The following SCAF11 variants were observed in gnomAD, a reference collection of about 807,000 sequenced individuals.
SCAF11 encodes protein SCAF11.
In SCAF11, 47 loss-of-function variants were observed where a neutral mutation model predicts 140.5. The ratio of observed to expected loss-of-function variants is 0.33; its 90% CI spans 0.26 to 0.43. SCAF11 has a LOEUF of 0.43. Ranked by LOEUF, SCAF11 falls within the 20% of genes least tolerant of loss-of-function variation. The pLI, the probability that SCAF11 is intolerant of heterozygous loss-of-function variation, is 1.00. For missense variants in SCAF11, 1,645 were observed against 1,705.1 expected (o/e 0.96, Z 0.62); for synonymous variants, 557 against 579.4 (o/e 0.96, Z 0.55).
intron 4 of SCAF11, among the ~76,000 whole-genome samples, chr12:45,951,357 T>C (rs1252414794): frequency 2.6e-5 from 4 of 152,192 alleles, no homozygotes; most frequent in Non-Finnish European, 5.9e-5. Flanking sequence ...TTAAGTATTT[T>C]ATAATTAAGC....
At chr12:45,932,592 C>T (rs1945073911) in intron 9 of SCAF11, among the ~76,000 whole-genome samples, 1 of 151,940 alleles carries the variant, frequency 6.6e-6, no homozygotes, top group Admixed American at 6.6e-5. Context: ...ACTCAGGCAG[C>T]GACCCTAATC....
At position 45,934,233 on chromosome 12, in the gene SCAF11, T is replaced by A; in HGVS notation, c.575A>T (p.Asn192Ile). The A allele has an allele frequency of 6.2e-7, 1 of 1,612,038 alleles. No homozygotes were observed. The highest frequency in any genetic ancestry group is 1.1e-5 in the South Asian group (1 of 90,766). ...TNQCFRNFFS[N>I]MFSSVSHSGE... ...AGAGTGGCTAACAGAAGAAAACATA[T>A]TGGAGAAAAAATTTCTGAAGCACTG... Residue 192 changes from asparagine to isoleucine, a missense_variant, in exon 8 of 15, where the codon AAT becomes ATT. Around this residue, in one of 2 missense-constraint regions of SCAF11, gnomAD observed 1,582 missense variants for 1,609.2 expected, o/e 0.98. Transcript: ENST00000369367.
At position 45,928,145 on chromosome 12, in the gene SCAF11, C is replaced by A. The variant is rs1944942373; in HGVS notation, c.1556G>T (p.Gly519Val). Residue 519 changes from glycine to valine, a missense_variant, in exon 11 of 15, where the codon GGA (glycine) becomes GTA (valine). This residue lies in a region of SCAF11 where 1,582 missense variants were observed against 1,609.2 expected (regional missense o/e 0.98). Transcript: ENST00000369367. ...SEISENILEK[G>V]GDPLEKQDQI... ...GTCTTGCTTTTCCAATGGATCACCT[C>A]CTTTTTCAAGAATATTTTCAGAAAT... is the stretch of plus-strand genomic sequence containing the variant. 6.2e-7 allele frequency: 1 copy of A among 1,613,862 alleles called. No individual in the cohort carries two copies. Among genetic ancestry groups the A allele is most frequent in the Admixed American group, 1.7e-5 (1 of 59,994 alleles).
chr12:45,981,924 A>G (rs117462487), intron 1 of SCAF11, among the ~76,000 whole-genome samples: 1,729 of 152,346 alleles, frequency 0.011, 13 homozygotes, highest in Non-Finnish European at 0.015. Flanking sequence ...AGACTGAATT[A>G]TATGCCTGTC....
chr12:45,948,181 C>A (rs1232717238), intron 5 of SCAF11, among the ~76,000 whole-genome samples: 1 of 152,140 alleles, frequency 6.6e-6, no homozygotes, highest in Non-Finnish European at 1.5e-5. Context: ...GATCCTCTCA[C>A]CTTAGCCTCC....
At position 45,922,133 on chromosome 12, in the gene SCAF11, T is replaced by C; in HGVS notation, c.4307A>G (p.Tyr1436Cys). ...STKVANLVKAYVDKYKYSRKG... is the reference protein window; with the variant it reads ...STKVANLVKACVDKYKYSRKG... Reference sequence around the variant, plus strand: ...CCGTGAATATTTGTATTTGTCTACATAGGCTTTAACCAGATTTGCCACTTT... The same window carrying C: ...CCGTGAATATTTGTATTTGTCTACACAGGCTTTAACCAGATTTGCCACTTT... Residue 1436 changes from tyrosine (Y) to cysteine (C), a missense_variant, in exon 15 of 15, where the codon TAT becomes TGT. Physicochemically the swap from Tyr to Cys is radical, Grantham distance 194. Around this residue, in one of 2 missense-constraint regions of SCAF11, gnomAD observed 63 missense variants for 95.9 expected, o/e 0.66. Coordinates refer to ENST00000369367, the MANE Select transcript of SCAF11 (RefSeq NM_004719.3). 1.2e-6 allele frequency: 2 copies of C among 1,613,932 alleles called. No homozygotes were observed. Among genetic ancestry groups the C allele is most frequent in the Non-Finnish European group, 8.5e-7 (1 of 1,179,934 alleles).
chr12:45,986,098 A>C (rs1282403627), intron 1 of SCAF11, among the ~76,000 whole-genome samples: 1 of 152,044 alleles, frequency 6.6e-6, no homozygotes, highest in Middle Eastern at 3.2e-3. Context: ...TTTTTCCCCC[A>C]AGTTATATTC....
chr12:45,922,974 C>T lies in SCAF11; in HGVS notation c.4087G>A (p.Ala1363Thr). The change falls in exon 13 of 15, where the codon GCA becomes ACA. Residue 1363 changes from alanine to threonine, a missense_variant. By Grantham distance (58) the Ala-to-Thr change is moderately conservative. This residue lies in a region of SCAF11 where 1,582 missense variants were observed against 1,609.2 expected (regional missense o/e 0.98). Coordinates refer to ENST00000369367, the MANE Select transcript of SCAF11 (RefSeq NM_004719.3). Reference sequence around the variant, plus strand: ...GAGCTATCTGCGCTGGCTTCCACTGCAACACTTACTTTGCTTTCTGCCAAT... The same window carrying T: ...GAGCTATCTGCGCTGGCTTCCACTGTAACACTTACTTTGCTTTCTGCCAAT... ...VKLAESKVSV[A>T]VEASADSSKT... The T allele has an allele frequency of 6.2e-7, 1 of 1,614,184 alleles. No individual in the cohort carries two copies. Among genetic ancestry groups the T allele is most frequent in the Non-Finnish European group, 8.5e-7 (1 of 1,180,018 alleles).
Position 45,967,199 on chromosome 12 carries a change from G to A in SCAF11, c.-21-3011C>T, listed in dbSNP as rs564069133. On this transcript the variant is annotated intron_variant, in intron 1 of 14. Transcript: ENST00000369367. ...GCCCAAGAAGTTCAAGACCAGCCTG[G>A]GCAACACAGCAAGACCCTGTTAAAA... Among the ~76,000 whole-genome samples, 18 of 151,938 alleles carry A rather than the reference G, an allele frequency of 1.2e-4. 1 individual carries two copies. Among genetic ancestry groups the A allele is most frequent in the African/African-American group, 4.3e-4 (18 of 41,440 alleles).
At position 45,922,556 on chromosome 12, in the gene SCAF11, T is replaced by C; in HGVS notation, c.4152A>G (p.Ala1384=). The change falls in exon 14 of 15, where the codon GCA becomes GCG. Residue 1384 remains alanine (A), a synonymous_variant. Coordinates refer to ENST00000369367, the MANE Select transcript of SCAF11 (RefSeq NM_004719.3). Reference sequence around the variant, plus strand: ...GCTTGATGGCCAATTTTACCTCTTGTGCTGCTTTTTCTTGAATTTGCAATT... The same window carrying C: ...GCTTGATGGCCAATTTTACCTCTTGCGCTGCTTTTTCTTGAATTTGCAATT... ...DKKLQIQEKA[A]QEVKLAIKPF... The C allele has an allele frequency of 1.3e-6, 2 of 1,595,758 alleles. No individual in the cohort carries two copies. The highest frequency in any genetic ancestry group is 1.7e-6 in the Non-Finnish European group (2 of 1,176,308).
At chr12:45,925,179 G>A (rs1344671027) in intron 11 of SCAF11, 105 bp from the exon 12 acceptor site, 6 of 769,418 alleles carry the variant, frequency 7.8e-6, no homozygotes, top group Non-Finnish European at 1.2e-5. Flanking sequence ...CAATTAATAG[G>A]CTCAGTATAC....
chr12:45,969,726 T>TA (rs1460692883), intron 1 of SCAF11, among the ~76,000 whole-genome samples: 3 of 152,196 alleles, frequency 2.0e-5, no homozygotes, highest in Non-Finnish European at 4.4e-5. Flanking sequence ...AGTCTCCTAT[T>TA]AGAGTGTGAG....
At position 45,987,142 on chromosome 12, in the gene SCAF11, C is replaced by CT. The variant is rs1268619494; in HGVS notation, c.-22+3210dup. Reference sequence around the variant, plus strand: ...TTGGGAGGCCAAGGCGGGATGATTACTTAGCCCAGGAATTTGAGACCAGCC... The same window carrying CT: ...TTGGGAGGCCAAGGCGGGATGATTACTTTAGCCCAGGAATTTGAGACCAGCC... On this transcript the variant is annotated intron_variant, in intron 1 of 14. Coordinates refer to ENST00000369367, the MANE Select transcript of SCAF11 (RefSeq NM_004719.3). Among the ~76,000 whole-genome samples the CT allele has an allele frequency of 2.6e-5, 4 of 152,282 alleles. No homozygotes were observed. In the East Asian group the frequency reaches 7.7e-4, roughly 29 times the overall value.
intron 14 of SCAF11, 31 bp from the exon 15 acceptor site, chr12:45,922,225 T>C (rs747479909): frequency 6.3e-7 from 1 of 1,580,408 alleles, no homozygotes; most frequent in East Asian, 2.2e-5. Context: ...GGTAAACTTT[T>C]TTCATGCTTA....
chr12:45,922,798 G>C, intron 13 of SCAF11, 138 bp downstream of exon 13: 1 of 870,244 alleles, frequency 1.1e-6, no homozygotes, highest in Admixed American at 2.4e-5. Flanking sequence ...AACACATCTA[G>C]AGAGAATCCT....
At chr12:45,963,398 G>C (rs1396966726) in intron 2 of SCAF11, among the ~76,000 whole-genome samples, 2 of 151,884 alleles carry the variant, frequency 1.3e-5, no homozygotes, top group East Asian at 3.9e-4. Flanking sequence ...AATTAGACTG[G>C]GAAGAAATCT....
intron 5 of SCAF11, among the ~76,000 whole-genome samples, chr12:45,945,982 C>A (rs144691936): frequency 4.1e-4 from 63 of 152,230 alleles, no homozygotes; most frequent in African/African-American, 1.5e-3. Context: ...TGAGCCACCA[C>A]GTCTGGCTTC....
At position 45,927,917 on chromosome 12, in the gene SCAF11, T is replaced by C. The variant is rs1288784916; in HGVS notation, c.1784A>G (p.His595Arg). ...TESSLVEITE[H>R]KDFTLKTEEL... Reference sequence around the variant, plus strand: ...CTCTGTTTTTAGTGTAAAATCTTTATGTTCAGTAATTTCTACTAGGGAACT... The same window carrying C: ...CTCTGTTTTTAGTGTAAAATCTTTACGTTCAGTAATTTCTACTAGGGAACT... Residue 595 changes from histidine to arginine, a missense_variant, in exon 11 of 15, where the codon CAT becomes CGT. His to Arg is a conservative substitution (Grantham distance 29). Around this residue, in one of 2 missense-constraint regions of SCAF11, gnomAD observed 1,582 missense variants for 1,609.2 expected, o/e 0.98. Transcript: ENST00000369367. The C allele has an allele frequency of 6.2e-7, 1 of 1,612,666 alleles. No individual in the cohort carries two copies. Among genetic ancestry groups the C allele is most frequent in the Non-Finnish European group, 8.5e-7 (1 of 1,179,662 alleles).
At position 45,928,213 on chromosome 12, in the gene SCAF11, C is replaced by A; in HGVS notation, c.1488G>T (p.Glu496Asp). The A allele has an allele frequency of 6.2e-7, 1 of 1,613,998 alleles. No individual in the cohort carries two copies. Among genetic ancestry groups the A allele is most frequent in the Non-Finnish European group, 8.5e-7 (1 of 1,180,014 alleles). Residue 496 changes from glutamate to aspartate, a missense_variant, in exon 11 of 15, where the codon GAG becomes GAT. Transcript: ENST00000369367. Reference protein sequence around the residue: ...VGEEGEVKKLENTGIEANVLC... With the variant: ...VGEEGEVKKLDNTGIEANVLC... Reference sequence around the variant, plus strand: ...AAACATTAGCCTCTATACCTGTATTCTCGAGTTTTTTAACTTCCCCTTCCT... The same window carrying A: ...AAACATTAGCCTCTATACCTGTATTATCGAGTTTTTTAACTTCCCCTTCCT...
Sources: allele counts gnomAD v4.1 joint callset (sites outside exome capture counted in the v4.1 genomes callset), GRCh38; gene constraint gnomAD v4.1.1; regional missense constraint gnomAD v4.1.1; transcripts MANE v1.5; gene names NCBI Gene and HGNC (gene_info 2026-07-23, HGNC 2026-07-21).